Variants in TRAPPC9 observed in about 807,000 individuals in gnomAD.
The protein encoded by TRAPPC9 is IKK2 binding protein.
TRAPPC9 carries 83 observed loss-of-function variants against 124.0 expected under a neutral mutation model. The ratio of observed to expected loss-of-function variants is 0.67; its 90% CI spans 0.56 to 0.80. TRAPPC9 has a LOEUF of 0.80. TRAPPC9 is among the 30% of genes least tolerant of loss of function. The pLI, the probability that TRAPPC9 is intolerant of heterozygous loss-of-function variation, is 0.00. For missense variants in TRAPPC9, 1,302 were observed against 1,508.3 expected (o/e 0.86, Z 2.27); for synonymous variants, 638 against 617.5 (o/e 1.03, Z -0.49).
At chr8:140,035,776 C>T (rs913134802) in intron 17 of TRAPPC9, among the ~76,000 whole-genome samples, 7 of 152,216 alleles carry the variant, frequency 4.6e-5, no homozygotes, top group Admixed American at 1.3e-4. Context: ...CACCGGGAAT[C>T]GGCCTGAAGA....
chr8:139,829,742 G>A (rs575733093), intron 21 of TRAPPC9, among the ~76,000 whole-genome samples: 1 of 152,326 alleles, frequency 6.6e-6, no homozygotes, highest in East Asian at 1.9e-4. Context: ...GACAGGTAAG[G>A]GACGAAAAAT....
chr8:140,145,078 T>A (rs1172893856), intron 17 of TRAPPC9, among the ~76,000 whole-genome samples: 2 of 148,294 alleles, frequency 1.3e-5, no homozygotes, highest in African/African-American at 5.0e-5. Context: ...GTTTCACCAT[T>A]TTGGCCAGGC....
In TRAPPC9 at chr8:140,029,863, AT is replaced by A. The variant is rs750566161; in HGVS notation, c.2557-5785del. On this transcript the variant is annotated intron_variant, in intron 17 of 22. Transcript: ENST00000438773. ...TAAGAAAACTATTCATGAGGCCTAT[AT>A]CCCTCATGAATTTAAATGTAAAAAA... Among the ~76,000 whole-genome samples the A allele has an allele frequency of 5.9e-5, 9 of 151,854 alleles. No individual in the cohort carries two copies. In the East Asian group the frequency reaches 1.2e-3, roughly 19 times the overall value.
intron 8 of TRAPPC9, among the ~76,000 whole-genome samples, chr8:140,362,365 C>A (rs995658817): frequency 2.0e-5 from 3 of 152,004 alleles, no homozygotes; most frequent in Admixed American, 6.6e-5. Flanking sequence ...AACAAAAAAA[C>A]CAATAAAGTA....
chr8:139,919,600 G>T (rs1477405839), intron 19 of TRAPPC9, among the ~76,000 whole-genome samples: 1 of 152,128 alleles, frequency 6.6e-6, no homozygotes, highest in African/African-American at 2.4e-5. Context: ...TTTTGTGAAG[G>T]TATAAAATGC....
intron 19 of TRAPPC9, chr8:139,933,915 G>T (rs1833356590): frequency 6.6e-6 from 1 of 152,148 alleles, no homozygotes; most frequent in African/African-American, 2.4e-5. Context: ...TTAAGGTAAA[G>T]ATGAGAAATA....
At chr8:140,036,357 T>C (rs1398342054) in intron 17 of TRAPPC9, among the ~76,000 whole-genome samples, 1 of 151,702 alleles carries the variant, frequency 6.6e-6, no homozygotes, top group Admixed American at 6.6e-5. Context: ...GGGGGTGGCA[T>C]GGAGTGAACA....
chr8:140,397,210 G>C (rs1177837376), intron 7 of TRAPPC9, among the ~76,000 whole-genome samples: 1 of 151,978 alleles, frequency 6.6e-6, no homozygotes, highest in Non-Finnish European at 1.5e-5. Flanking sequence ...TTATTTGCTG[G>C]GTTACCACTG....
At chr8:139,858,188 A>G (rs757492363) in intron 21 of TRAPPC9, among the ~76,000 whole-genome samples, 4 of 152,264 alleles carry the variant, frequency 2.6e-5, no homozygotes, top group African/African-American at 4.8e-5. Flanking sequence ...TCCCTTTGCC[A>G]TAAGGACTAA....
intron 17 of TRAPPC9, among the ~76,000 whole-genome samples, chr8:140,141,061 G>C (rs985590200): frequency 2.6e-5 from 4 of 152,078 alleles, no homozygotes; most frequent in African/African-American, 9.7e-5. Flanking sequence ...GCAACTTGTG[G>C]GCAGGAGAAC....
rs532876152 is a variant in TRAPPC9, at chr8:139,750,050, C to G, written c.3056-17848G>C. On this transcript the variant is annotated intron_variant, in intron 21 of 22. Transcript: ENST00000438773. Reference sequence around the variant, plus strand: ...TCCAAGACCGGGTGAGGAGTGTCCCCCACCCCATCCCATCTCAGCTGGGAG... The same window carrying G: ...TCCAAGACCGGGTGAGGAGTGTCCCGCACCCCATCCCATCTCAGCTGGGAG... 4.1e-3 allele frequency among the ~76,000 whole-genome samples: 620 copies of G among 152,114 alleles called. 9 individuals are homozygous for G. Among genetic ancestry groups the G allele is most frequent in the African/African-American group, 0.015 (607 of 41,482 alleles).
chr8:139,823,128 TG>T (rs1825368010), intron 21 of TRAPPC9, among the ~76,000 whole-genome samples: 1 of 152,090 alleles, frequency 6.6e-6, no homozygotes, highest in Non-Finnish European at 1.5e-5. Context: ...ACAACCACAC[TG>T]GGGGTTACGG....
intron 21 of TRAPPC9, among the ~76,000 whole-genome samples, chr8:139,844,614 G>A (rs965919627): frequency 2.6e-5 from 4 of 152,210 alleles, no homozygotes; most frequent in African/African-American, 9.6e-5. Flanking sequence ...CTTAAATTAA[G>A]GAAGAGAAAA....
At chr8:140,255,450 T>C (rs1588022900) in intron 15 of TRAPPC9, among the ~76,000 whole-genome samples, 1 of 152,358 alleles carries the variant, frequency 6.6e-6, no homozygotes, top group East Asian at 1.9e-4. Flanking sequence ...CTTTGCAAAC[T>C]GATACTATCA....
intron 17 of TRAPPC9, among the ~76,000 whole-genome samples, chr8:140,147,383 AG>A (rs1272376519): frequency 9.2e-5 from 14 of 152,338 alleles, no homozygotes; most frequent in South Asian, 4.1e-4. Context: ...CCTAGCACAC[AG>A]GCAGAACTTC....
intron 21 of TRAPPC9, among the ~76,000 whole-genome samples, chr8:139,838,398 C>T (rs907677545): frequency 1.3e-5 from 2 of 152,192 alleles, no homozygotes; most frequent in South Asian, 4.1e-4. Context: ...ACCATCAGAA[C>T]CCGAAACACG....
intron 17 of TRAPPC9, among the ~76,000 whole-genome samples, chr8:140,204,674 G>A (rs10092942): frequency 0.035 from 5,296 of 152,250 alleles, 304 homozygotes; most frequent in African/African-American, 0.12. Flanking sequence ...CTTTCCCTGT[G>A]ACACACCAGC....
At chr8:140,128,794 C>T (rs2061144207) in intron 17 of TRAPPC9, among the ~76,000 whole-genome samples, 1 of 152,138 alleles carries the variant, frequency 6.6e-6, no homozygotes, top group African/African-American at 2.4e-5. Flanking sequence ...GCCTCAGTTA[C>T]ACCCTCCTGG....
At chr8:140,235,444 C>T (rs187914688) in intron 16 of TRAPPC9, among the ~76,000 whole-genome samples, 4 of 152,240 alleles carry the variant, frequency 2.6e-5, no homozygotes, top group African/African-American at 9.6e-5. Flanking sequence ...TACTATAAAT[C>T]AGTTGGAAGG....
Sources: gnomAD v4.1 joint callset for allele counts (sites outside exome capture counted in the v4.1 genomes callset) on GRCh38, gnomAD v4.1.1 for gene constraint, MANE v1.5 for transcripts, NCBI Gene and HGNC (gene_info 2026-07-23, HGNC 2026-07-21) for gene names.